The following EAPP variants were observed in gnomAD, a reference collection of about 807,000 sequenced individuals.
The protein encoded by EAPP is E2F associated phosphoprotein.
A neutral mutation model predicts 34.3 loss-of-function variants in EAPP; 38 were observed. The ratio of observed to expected loss-of-function variants is 1.11; its 90% confidence interval spans 0.85 to 1.45. The LOEUF (loss-of-function observed/expected upper bound fraction) is 1.45. Among genes scored for constraint, EAPP ranks in the 40% most tolerant of loss-of-function variants. The pLI is 0.00. For synonymous variants in EAPP, 113 were observed against 117.6 expected, an observed-to-expected ratio of 0.96 and a Z score of 0.25; for missense variants, 338 against 343.7, an observed-to-expected ratio of 0.98 and a Z score of 0.13.
At chr14:34,537,924 C>T (rs758939297) in intron 1 of EAPP, among the ~76,000 whole-genome samples, 50 of 152,276 alleles carry the variant, frequency 3.3e-4, no homozygotes, top group Non-Finnish European at 7.4e-5. Flanking sequence ...TGACAGACAC[C>T]TCTCTAACAC....
intron 4 of EAPP, among the ~76,000 whole-genome samples, chr14:34,528,184 C>T (rs1195449156): frequency 6.6e-6 from 1 of 151,316 alleles, no homozygotes; most frequent in African/African-American, 2.4e-5. Flanking sequence ...TACAGGCACA[C>T]ACCACCATGC....
chr14:34,520,323 C>T (rs1371549540), intron 5 of EAPP, among the ~76,000 whole-genome samples: 1 of 151,970 alleles, frequency 6.6e-6, no homozygotes, highest in East Asian at 1.9e-4. Flanking sequence ...AATTCTCCTG[C>T]CTCAGCCTCC....
At chr14:34,537,894 AAC>A (rs1373051805) in intron 1 of EAPP, among the ~76,000 whole-genome samples, 1 of 152,206 alleles carries the variant, frequency 6.6e-6, no homozygotes, top group African/African-American at 2.4e-5. Context: ...TTAGTTTATA[AAC>A]AGTGTAAAAT....
Position 34,539,633 on chromosome 14 carries a change from G to T in EAPP, c.-5C>A. 6.4e-7 allele frequency: 1 copy of T among 1,562,124 alleles called. No individual in the cohort carries two copies. ...GTCATCCGGAAGCCGGTTCATGGTG[G>T]CCTGCAGCGGCCTACACCGTCCACA... On this transcript the variant is annotated 5_prime_UTR_variant, in exon 1 of 6. Coordinates refer to ENST00000250454, the MANE Select transcript of EAPP (RefSeq NM_018453.4).
chr14:34,539,107 T>C (rs1005775614), intron 1 of EAPP: 3 of 273,238 alleles, frequency 1.1e-5, no homozygotes, highest in Non-Finnish European at 2.3e-5. Context: ...TTTCTGTTTA[T>C]GGCAGTTTAG....
intron 2 of EAPP, among the ~76,000 whole-genome samples, chr14:34,534,220 C>T (rs1462782407): frequency 6.6e-6 from 1 of 151,640 alleles, no homozygotes; most frequent in Admixed American, 6.6e-5. Context: ...GCAACCTCTG[C>T]CACCTGGGTT....
intron 5 of EAPP, among the ~76,000 whole-genome samples, chr14:34,518,409 A>G (rs569516063): frequency 7.6e-4 from 98 of 128,826 alleles, no homozygotes; most frequent in South Asian, 1.4e-3. Context: ...ATCTTGGCTC[A>G]CTGCAACCTT....
At chr14:34,535,644 G>A (rs1199696975) in intron 2 of EAPP, among the ~76,000 whole-genome samples, 2 of 150,902 alleles carry the variant, frequency 1.3e-5, no homozygotes, top group Admixed American at 1.3e-4. Flanking sequence ...GTGTTAGCCA[G>A]GATGGTCTCA....
chr14:34,536,894 T>TATAG (rs1438917821), intron 1 of EAPP, among the ~76,000 whole-genome samples: 2 of 152,118 alleles, frequency 1.3e-5, no homozygotes, highest in Non-Finnish European at 2.9e-5. Context: ...TAGATAGATA[T>TATAG]ATAGATAGAT....
chr14:34,531,137 T>A (rs921913020), intron 3 of EAPP, among the ~76,000 whole-genome samples: 1 of 151,784 alleles, frequency 6.6e-6, no homozygotes, highest in African/African-American at 2.4e-5. Context: ...AAATCCTGTC[T>A]CTTCTAAAAA....
intron 2 of EAPP, among the ~76,000 whole-genome samples, chr14:34,534,135 CTT>C (rs533056088): frequency 7.1e-5 from 10 of 141,540 alleles, no homozygotes; most frequent in Admixed American, 1.4e-4. Context: ...GTCCTACTTC[CTT>C]TTTTTTTTTT....
chr14:34,524,811 G>C lies in EAPP; in HGVS notation c.471-4C>G, dbSNP rs1880043626. ...CTGTGGTCCCAAACCATGGTAACTA[G>C]AACAGAAGAAGAAAGTGGGGAGAAA... On this transcript the variant is annotated splice_polypyrimidine_tract_variant and splice_region_variant and intron_variant, in intron 4 of 5. Coordinates refer to ENST00000250454, the MANE Select transcript of EAPP (RefSeq NM_018453.4). 1 of 1,608,130 alleles carries C rather than the reference G, an allele frequency of 6.2e-7. No homozygotes were observed. The highest frequency in any genetic ancestry group is 8.5e-7 in the Non-Finnish European group (1 of 1,175,224).
intron 3 of EAPP, 111 bp downstream of exon 3, chr14:34,533,333 C>T: frequency 1.2e-6 from 1 of 857,210 alleles, no homozygotes; most frequent in Non-Finnish European, 1.9e-6. Flanking sequence ...CCATGCCTAG[C>T]TGTAATTTCT....
chr14:34,539,233 G>A, intron 1 of EAPP: 1 of 533,004 alleles, frequency 1.9e-6, no homozygotes, highest in South Asian at 1.8e-5. Flanking sequence ...TTACAGGTGA[G>A]TAATCGAGGA....
intron 5 of EAPP, among the ~76,000 whole-genome samples, chr14:34,523,751 C>T (rs370326000): frequency 6.6e-5 from 10 of 152,054 alleles, no homozygotes; most frequent in South Asian, 6.2e-4. Context: ...ACTATGTTGC[C>T]TAGGCTGGTC....
intron 3 of EAPP, among the ~76,000 whole-genome samples, chr14:34,532,075 C>CAAA (rs757235021): frequency 1.5e-5 from 1 of 67,064 alleles, no homozygotes; most frequent in Non-Finnish European, 3.1e-5. Flanking sequence ...GACTCCGTCT[C>CAAA]AAAAAAAAAA....
intron 5 of EAPP, among the ~76,000 whole-genome samples, chr14:34,520,463 G>A (rs1879882200): frequency 1.3e-5 from 2 of 151,698 alleles, no homozygotes; most frequent in Non-Finnish European, 2.9e-5. Flanking sequence ...ACCCTCCCCT[G>A]CCTCCCAAAG....
intron 5 of EAPP, 32 bp downstream of exon 5, chr14:34,524,653 ATGTATGTGTGTG>A (rs1880033905): frequency 3.4e-6 from 3 of 874,604 alleles, no homozygotes; most frequent in Non-Finnish European, 5.2e-6. Context: ...TAAACAAAAT[ATGTATGTGTGTG>A]TGTGTGTGTG....
intron 5 of EAPP, among the ~76,000 whole-genome samples, chr14:34,519,362 C>T (rs555228920): frequency 5.6e-4 from 85 of 152,126 alleles, no homozygotes; most frequent in South Asian, 1.0e-3. Context: ...TGGTGAAACC[C>T]CACCTCTACT....
Sources: gnomAD v4.1 joint callset for allele counts (sites outside exome capture counted in the v4.1 genomes callset) on GRCh38, gnomAD v4.1.1 for gene constraint, MANE v1.5 for transcripts, NCBI Gene and HGNC (gene_info 2026-07-23, HGNC 2026-07-21) for gene names.